The following PCDHGB7 variants were observed in gnomAD, a reference collection of about 807,000 sequenced individuals.
PCDHGB7 encodes protocadherin gamma-B7.
A neutral mutation model predicts 61.4 loss-of-function variants in PCDHGB7; 37 were observed. That is an observed-to-expected ratio of 0.60 (90% CI 0.46 to 0.79). The LOEUF (loss-of-function observed/expected upper bound fraction) is 0.79, where lower values mean the gene tolerates loss of function less well. Ranked by LOEUF, PCDHGB7 falls within the 30% of genes least tolerant of loss-of-function variation. PCDHGB7 has a pLI of 0.00. For synonymous variants in PCDHGB7, 464 were observed against 503.5 expected (o/e 0.92, Z 1.05); for missense variants, 1,166 against 1,202.5 (o/e 0.97, Z 0.45).
rs764891283 is a variant in PCDHGB7, at chr5:141,419,479, C to T, written c.1620C>T (p.Pro540=). ...LTLQARDQGS[P]ALSANVSLRV... ...TGCAGGCCCGCGACCAGGGCTCGCC[C>T]GCGCTCAGCGCCAATGTGAGCCTGC... Residue 540 remains proline, a synonymous_variant, in exon 1 of 4, where the codon CCC becomes CCT. Coordinates refer to ENST00000398594, the MANE Select transcript of PCDHGB7 (RefSeq NM_018927.4). The T allele has an allele frequency of 6.2e-7, 1 of 1,612,390 alleles. No individual in the cohort carries two copies. The highest frequency in any genetic ancestry group is 8.5e-7 in the Non-Finnish European group (1 of 1,179,520).
chr5:141,494,936 G>C, intron 2 of PCDHGB7, 71 bp downstream of exon 2: 1 of 1,612,574 alleles, frequency 6.2e-7, no homozygotes, highest in South Asian at 1.1e-5. Flanking sequence ...GGAGGAGATG[G>C]GGGAGGGCCC....
intron 1 of PCDHGB7, among the ~76,000 whole-genome samples, chr5:141,488,613 A>C (rs1214413025): frequency 1.3e-5 from 2 of 152,158 alleles, no homozygotes; most frequent in Non-Finnish European, 2.9e-5. Flanking sequence ...GTTCTTACTA[A>C]TCTTTTCTCT....
chr5:141,421,860 C>T (rs759779291), intron 1 of PCDHGB7: 1 of 1,613,750 alleles, frequency 6.2e-7, no homozygotes. Flanking sequence ...CTCACCTGCT[C>T]CTCCTCACAG....
chr5:141,485,543 G>C lies in PCDHGB7; in HGVS notation c.2416-9264G>C. 1.9e-6 allele frequency: 3 copies of C among 1,614,092 alleles called. No homozygotes were observed. The highest frequency in any genetic ancestry group is 2.5e-6 in the Non-Finnish European group (3 of 1,179,972). On this transcript the variant is annotated intron_variant, in intron 1 of 3. Coordinates refer to ENST00000398594, the MANE Select transcript of PCDHGB7 (RefSeq NM_018927.4). This position sits in a 1 kb window ranked among gnomAD's most constrained non-coding sequence, Gnocchi z 5.7. Reference sequence around the variant, plus strand: ...AATGTACCGAGCAGAGGTAGAGATCGTAGATGTGAATGATCACGCCCCCCG... The same window carrying C: ...AATGTACCGAGCAGAGGTAGAGATCCTAGATGTGAATGATCACGCCCCCCG...
At position 141,490,357 on chromosome 5, in the gene PCDHGB7, A is replaced by G; in HGVS notation, c.2416-4450A>G. ...AGTGGGCACAGTAGTGGGGTTGTTT[A>G]ATGTGCGAGACCGGGACTCAGGTAG... On this transcript the variant is annotated intron_variant, in intron 1 of 3. Transcript: ENST00000398594. This position sits in a 1 kb window ranked among gnomAD's most constrained non-coding sequence, Gnocchi z 5.4. The G allele has an allele frequency of 6.2e-7, 1 of 1,614,178 alleles. No individual in the cohort carries two copies. The highest frequency in any genetic ancestry group is 8.5e-7 in the Non-Finnish European group (1 of 1,180,030).
rs558074504 is a variant in PCDHGB7, at chr5:141,489,065, C to G, written c.2416-5742C>G. On this transcript the variant is annotated intron_variant, in intron 1 of 3. Coordinates refer to ENST00000398594, the MANE Select transcript of PCDHGB7 (RefSeq NM_018927.4). This position sits in a 1 kb window ranked among gnomAD's most constrained non-coding sequence, Gnocchi z 4.5. ...CCACTCAAATTCAGCTCCCCTCCCC[C>G]CTGCCCACCCCCGCCACTCGGTGAC... is the stretch of plus-strand genomic sequence containing the variant. The G allele has an allele frequency of 1.5e-4, 57 of 389,046 alleles. No homozygotes were observed. Among genetic ancestry groups the G allele is most frequent in the African/African-American group, 8.5e-4 (40 of 47,278 alleles). 24.1% of individuals were successfully genotyped at this position (389,046 alleles called of 1,614,324 possible).
intron 2 of PCDHGB7, among the ~76,000 whole-genome samples, chr5:141,496,419 C>T (rs1292183963): frequency 6.6e-6 from 1 of 152,174 alleles, no homozygotes; most frequent in Non-Finnish European, 1.5e-5. Flanking sequence ...TACTTGCTGT[C>T]CACATTTGCC....
intron 1 of PCDHGB7, among the ~76,000 whole-genome samples, chr5:141,468,193 C>T (rs2099159672): frequency 6.6e-6 from 1 of 151,600 alleles, no homozygotes; most frequent in Non-Finnish European, 1.5e-5. Flanking sequence ...GGCATGGTGG[C>T]GGGTGCCTGT....
chr5:141,505,182 C>T (rs1302018549), intron 2 of PCDHGB7, among the ~76,000 whole-genome samples: 2 of 152,094 alleles, frequency 1.3e-5, no homozygotes, highest in East Asian at 3.9e-4. Context: ...AAAAAAGCAT[C>T]GGAGGCAGCA....
chr5:141,422,077 A>C (rs2096622436), intron 1 of PCDHGB7: 1 of 1,612,340 alleles, frequency 6.2e-7, no homozygotes, highest in Admixed American at 1.7e-5. Flanking sequence ...TTCATTTCGG[A>C]ACATGGAAAG....
intron 1 of PCDHGB7, among the ~76,000 whole-genome samples, chr5:141,480,949 G>A (rs949853273): frequency 2.0e-4 from 30 of 152,136 alleles, no homozygotes; most frequent in African/African-American, 4.6e-4. Flanking sequence ...AGAGGCTGAG[G>A]CGGAAGCATC....
In PCDHGB7 at chr5:141,490,376, C is replaced by T. The variant is rs761956816; in HGVS notation, c.2416-4431C>T. 2 of 1,614,184 alleles carry T rather than the reference C, an allele frequency of 1.2e-6. No individual in the cohort carries two copies. The highest frequency in any genetic ancestry group is 1.7e-6 in the Non-Finnish European group (2 of 1,180,036). ...TTGTTTAATGTGCGAGACCGGGACT[C>T]AGGTAGAAATGGTGAAGTGAGCCTT... is the stretch of plus-strand genomic sequence containing the variant. On this transcript the variant is annotated intron_variant, in intron 1 of 3. Transcript: ENST00000398594. The surrounding 1 kb of genome is among the most constrained non-coding windows in gnomAD (Gnocchi z 5.4).
At chr5:141,454,666 A>G (rs1561955978) in intron 1 of PCDHGB7, among the ~76,000 whole-genome samples, 1 of 152,104 alleles carries the variant, frequency 6.6e-6, no homozygotes, top group Non-Finnish European at 1.5e-5. Context: ...TCGGCCTCCC[A>G]AAACACTGGG....
Position 141,485,768 on chromosome 5 carries a change from C to A in PCDHGB7, c.2416-9039C>A, listed in dbSNP as rs759191157. 3.7e-6 allele frequency: 6 copies of A among 1,614,192 alleles called. No individual in the cohort carries two copies. Among genetic ancestry groups the A allele is most frequent in the Middle Eastern group, 1.6e-4 (1 of 6,062 alleles). On this transcript the variant is annotated intron_variant, in intron 1 of 3. Coordinates refer to ENST00000398594, the MANE Select transcript of PCDHGB7 (RefSeq NM_018927.4). The surrounding 1 kb of genome is among the most constrained non-coding windows in gnomAD (Gnocchi z 5.7). ...GGTCCCAGAGCTGCTCCTGGAGAAG[C>A]CTTTGGATCGAGAGAAGCAATCGGA...
chr5:141,459,171 A>G (rs2098962477), intron 1 of PCDHGB7, among the ~76,000 whole-genome samples: 1 of 152,180 alleles, frequency 6.6e-6, no homozygotes, highest in Non-Finnish European at 1.5e-5. Flanking sequence ...ATAACCTTCA[A>G]AAGTTCCCTC....
intron 1 of PCDHGB7, chr5:141,441,206 C>T (rs750648706): frequency 3.3e-5 from 5 of 152,150 alleles, no homozygotes; most frequent in African/African-American, 4.8e-5. Context: ...GATTCTGCAC[C>T]TTGGACAGTA....
In PCDHGB7 at chr5:141,430,673, C is replaced by T. The variant is rs183365013; in HGVS notation, c.2415+10399C>T. 1.5e-4 allele frequency: 198 copies of T among 1,288,318 alleles called. 2 individuals are homozygous for T. In the African/African-American group the frequency reaches 2.8e-3, roughly 18 times the overall value. The allele number at this position is 1,288,318 out of a possible 1,614,324, so 79.8% of individuals were successfully genotyped here. On this transcript the variant is annotated intron_variant, in intron 1 of 3. Coordinates refer to ENST00000398594, the MANE Select transcript of PCDHGB7 (RefSeq NM_018927.4). Reference sequence around the variant, plus strand: ...AAACAACGGAGGAGCTCTGACTTCCCAACTGTCCCATTCTATGGGCGAAGG... The same window carrying T: ...AAACAACGGAGGAGCTCTGACTTCCTAACTGTCCCATTCTATGGGCGAAGG...
rs532675537 is a variant in PCDHGB7, at chr5:141,508,584, T to C, written c.2564-2363T>C. Among the ~76,000 whole-genome samples, 87 of 152,266 alleles carry C rather than the reference T, an allele frequency of 5.7e-4. 1 individual carries two copies. Among genetic ancestry groups the C allele is most frequent in the African/African-American group, 1.6e-3 (66 of 41,552 alleles). On this transcript the variant is annotated intron_variant, in intron 3 of 3. Coordinates refer to ENST00000398594, the MANE Select transcript of PCDHGB7 (RefSeq NM_018927.4). The stretch of plus-strand genomic sequence containing the variant: ...TGTCACTTGCACCCACTCGGGGTGC[T>C]ACTCAGAGATCTTGGGTGCACATAG...
At chr5:141,450,995 T>G (rs983544118) in intron 1 of PCDHGB7, among the ~76,000 whole-genome samples, 3 of 151,510 alleles carry the variant, frequency 2.0e-5, no homozygotes, top group Non-Finnish European at 4.4e-5. Context: ...CGGCTAATTT[T>G]TTTGTATTTT....
Sources: allele counts gnomAD v4.1 joint callset (sites outside exome capture counted in the v4.1 genomes callset), GRCh38; gene constraint gnomAD v4.1.1; non-coding constraint Gnocchi (gnomAD v3.1); transcripts MANE v1.5; gene names NCBI Gene and HGNC (gene_info 2026-07-23, HGNC 2026-07-21).